The following ST7L variants were observed in gnomAD, a reference collection of about 807,000 sequenced individuals.
ST7L encodes suppression of tumorigenicity 7 like.
ST7L carries 57 observed loss-of-function variants against 72.5 expected under a neutral mutation model. The observed-to-expected ratio is 0.79, with a 90% confidence interval of 0.64 to 0.98. The LOEUF is 0.98. ST7L is among the 50% of genes least tolerant of loss of function. The pLI, the probability that ST7L is intolerant of heterozygous loss-of-function variation, is 0.00. For synonymous variants in ST7L, 221 were observed against 240.9 expected, an observed-to-expected ratio of 0.92 and a Z score of 0.77; for missense variants, 576 against 672.2, an observed-to-expected ratio of 0.86 and a Z score of 1.58.
At chr1:112,611,434 T>TG (rs1669053792) in intron 2 of ST7L, among the ~76,000 whole-genome samples, 1 of 152,204 alleles carries the variant, frequency 6.6e-6, no homozygotes, top group Non-Finnish European at 1.5e-5. Context: ...CTGTGTGCTG[T>TG]GGGCAAGTCA....
At chr1:112,559,933 G>A (rs561582793) in intron 11 of ST7L, among the ~76,000 whole-genome samples, 146 of 152,046 alleles carry the variant, frequency 9.6e-4, no homozygotes, top group Non-Finnish European at 1.9e-3. Flanking sequence ...AGCCGAGATC[G>A]TGCCACTGCA....
At chr1:112,610,114 A>C (rs1668849926) in intron 3 of ST7L, among the ~76,000 whole-genome samples, 1 of 152,156 alleles carries the variant, frequency 6.6e-6, no homozygotes, top group Non-Finnish European at 1.5e-5. Context: ...CATATGAAAC[A>C]GACCTGACCA....
At chr1:112,589,977 G>A (rs1665445319) in intron 6 of ST7L, among the ~76,000 whole-genome samples, 1 of 152,194 alleles carries the variant, frequency 6.6e-6, no homozygotes, top group African/African-American at 2.4e-5. Flanking sequence ...TTGCTCACAA[G>A]CTTTCTGGTT....
intron 11 of ST7L, among the ~76,000 whole-genome samples, chr1:112,556,840 T>C (rs1659192085): frequency 1.3e-5 from 2 of 151,548 alleles, no homozygotes; most frequent in Middle Eastern, 3.4e-3. Flanking sequence ...TGGTGGTGCA[T>C]GCCTGTAGTG....
At chr1:112,523,078 G>A (rs1652966478), downstream of ST7L, 1 of 152,220 alleles carries the variant, frequency 6.6e-6, no homozygotes. Context: ...GTTCTCACAA[G>A]AACATGCAGG....
intron 13 of ST7L, among the ~76,000 whole-genome samples, chr1:112,546,450 A>T (rs1570939797): frequency 6.6e-6 from 1 of 152,148 alleles, no homozygotes; most frequent in Non-Finnish European, 1.5e-5. Context: ...ATGGTTGTCT[A>T]TGAAGGGAAA....
intron 3 of ST7L, among the ~76,000 whole-genome samples, chr1:112,604,930 C>CA (rs530995792): frequency 4.5e-4 from 62 of 139,238 alleles, no homozygotes; most frequent in Non-Finnish European, 7.1e-4. Context: ...TACTAAAATA[C>CA]AAAAAAAATA....
At chr1:112,559,847 C>T (rs184158368) in intron 11 of ST7L, among the ~76,000 whole-genome samples, 2,290 of 151,544 alleles carry the variant, frequency 0.015, 71 homozygotes, top group African/African-American at 0.052. Flanking sequence ...GGCGTGGTGG[C>T]GGGCACCTGT....
chr1:112,584,003 C>A lies in ST7L; in HGVS notation c.825G>T (p.Gln275His). The A allele has an allele frequency of 6.2e-7, 1 of 1,614,062 alleles. No individual in the cohort carries two copies. The highest frequency in any genetic ancestry group is 1.3e-5 in the African/African-American group (1 of 75,038). The stretch of plus-strand genomic sequence containing the variant: ...GAGCTTCATGCTGAGGACTTTGGTG[C>A]TGGCACTGCTGTGACTGCCTATAAA... ...ETIYRQSQQC[Q>H]HQSPQHEAQL... is the part of the protein sequence containing the mutation. The change falls in exon 7 of 15, where the codon CAG (glutamine) becomes CAT (histidine). Residue 275 changes from glutamine (Q) to histidine (H), a missense_variant. Gln to His is a conservative substitution (Grantham distance 24). This residue lies in a region of ST7L where 511 missense variants were observed against 600.7 expected (regional missense o/e 0.85). Coordinates refer to ENST00000358039, the MANE Select transcript of ST7L (RefSeq NM_017744.5).
rs1203515534 is a variant in ST7L, at chr1:112,562,675, A to G, written c.1246-6657T>C. 2.0e-5 allele frequency among the ~76,000 whole-genome samples: 3 copies of G among 152,192 alleles called. No individual in the cohort carries two copies. The East Asian group carries it at 5.8e-4, about 29-fold the overall frequency. On this transcript the variant is annotated intron_variant, in intron 11 of 14. Coordinates refer to ENST00000358039, the MANE Select transcript of ST7L (RefSeq NM_017744.5). ...ACAATGAACATAATGAGCAAAGCAGAACTGGCAAAGAGTAAGGCTGGAGAC... is the reference window on the plus strand; with the variant it reads ...ACAATGAACATAATGAGCAAAGCAGGACTGGCAAAGAGTAAGGCTGGAGAC...
intron 1 of ST7L, chr1:112,618,156 G>A: frequency 7.9e-7 from 1 of 1,264,006 alleles, no homozygotes; most frequent in Non-Finnish European, 1.0e-6. Context: ...TAATCACATG[G>A]TAAGGGGACC....
chr1:112,598,447 G>GAAAAA (rs1376387964), intron 4 of ST7L, among the ~76,000 whole-genome samples: 3 of 114,136 alleles, frequency 2.6e-5, no homozygotes, highest in Non-Finnish European at 5.6e-5. Flanking sequence ...GTCTTTACCA[G>GAAAAA]AAAAAAAAAA....
chr1:112,570,374 AAT>A (rs1284988434), intron 11 of ST7L, among the ~76,000 whole-genome samples: 3 of 152,066 alleles, frequency 2.0e-5, no homozygotes, highest in Admixed American at 2.0e-4. Context: ...TTGCACTTCT[AAT>A]AGTTTCCAGC....
chr1:112,553,751 C>A (rs1469456534), intron 12 of ST7L, among the ~76,000 whole-genome samples: 1 of 152,128 alleles, frequency 6.6e-6, no homozygotes, highest in East Asian at 1.9e-4. Flanking sequence ...GAGCAACTAA[C>A]AAAACTCCAG....
At chr1:112,608,598 G>A (rs1311448901) in intron 3 of ST7L, among the ~76,000 whole-genome samples, 1 of 152,132 alleles carries the variant, frequency 6.6e-6, no homozygotes, top group East Asian at 1.9e-4. Context: ...TCTTACAATG[G>A]AAAATAAAAT....
chr1:112,608,678 G>A (rs1198873916), intron 3 of ST7L, among the ~76,000 whole-genome samples: 1 of 152,008 alleles, frequency 6.6e-6, no homozygotes, highest in Admixed American at 6.6e-5. Flanking sequence ...GATCTGTATC[G>A]TATTCATCTT....
chr1:112,544,537 A>G (rs980308032), intron 13 of ST7L, among the ~76,000 whole-genome samples: 6 of 152,246 alleles, frequency 3.9e-5, no homozygotes, highest in Non-Finnish European at 7.3e-5. Flanking sequence ...CCTGTCCCTC[A>G]GCCATGAGAG....
intron 4 of ST7L, among the ~76,000 whole-genome samples, chr1:112,599,323 T>A (rs979382111): frequency 6.6e-6 from 1 of 151,916 alleles, no homozygotes; most frequent in Non-Finnish European, 1.5e-5. Context: ...CTTCACAGAA[T>A]GTCACTATCT....
At chr1:112,528,999 C>T (rs919587805) in intron 14 of ST7L, 1 of 152,164 alleles carries the variant, frequency 6.6e-6, no homozygotes, top group South Asian at 2.1e-4. Context: ...AGGTAAAAAT[C>T]GCTACTTATG....
Sources: allele counts gnomAD v4.1 joint callset (sites outside exome capture counted in the v4.1 genomes callset), GRCh38; gene constraint gnomAD v4.1.1; regional missense constraint gnomAD v4.1.1; transcripts MANE v1.5; gene names NCBI Gene and HGNC (gene_info 2026-07-23, HGNC 2026-07-21).